Variants in ADGRL3 observed in about 807,000 individuals in gnomAD.
The protein encoded by ADGRL3 is calcium-independent alpha-latrotoxin receptor 3.
ADGRL3 carries 62 observed loss-of-function variants against 153.5 expected under a neutral mutation model. That is an observed-to-expected ratio of 0.40 (90% confidence interval 0.33 to 0.50). The LOEUF is 0.50. Among genes scored for constraint, ADGRL3 ranks in the 20% least tolerant of loss-of-function variants. The pLI, the probability that ADGRL3 is intolerant of heterozygous loss-of-function variation, is 0.47. For synonymous variants in ADGRL3, 710 were observed against 672.5 expected (o/e 1.06, Z -0.86); for missense variants, 1,641 against 1,859.4 (o/e 0.88, Z 2.16).
At chr4:61,772,693 T>C (rs774168610) in intron 8 of ADGRL3, among the ~76,000 whole-genome samples, 2 of 152,158 alleles carry the variant, frequency 1.3e-5, no homozygotes, top group Non-Finnish European at 2.9e-5. Flanking sequence ...TCTTTGGAGA[T>C]AAAGATGCCC....
chr4:61,420,980 A>G (rs1004497126), intron 2 of ADGRL3, among the ~76,000 whole-genome samples: 1 of 152,078 alleles, frequency 6.6e-6, no homozygotes, highest in Non-Finnish European at 1.5e-5. Flanking sequence ...TAACTGTCTA[A>G]CCTGGGGTAA....
At chr4:61,642,017 T>G (rs2093699582) in intron 5 of ADGRL3, among the ~76,000 whole-genome samples, 2 of 150,832 alleles carry the variant, frequency 1.3e-5, no homozygotes, top group South Asian at 4.2e-4. Flanking sequence ...TGGTTTTGAT[T>G]TGCATTTCTC....
At chr4:61,234,571 T>C (rs1227709355) in intron 1 of ADGRL3, among the ~76,000 whole-genome samples, 1 of 152,080 alleles carries the variant, frequency 6.6e-6, no homozygotes, top group Non-Finnish European at 1.5e-5. Context: ...GAGAAAGCTA[T>C]GGAGAACTCT....
intron 9 of ADGRL3, among the ~76,000 whole-genome samples, chr4:61,857,302 G>A (rs1280458605): frequency 6.6e-6 from 1 of 151,976 alleles, no homozygotes; most frequent in Non-Finnish European, 1.5e-5. Flanking sequence ...GGAAAGCCTA[G>A]AAATACAGGC....
At chr4:61,287,879 T>C (rs2094003552) in intron 1 of ADGRL3, among the ~76,000 whole-genome samples, 1 of 151,804 alleles carries the variant, frequency 6.6e-6, no homozygotes, top group Admixed American at 6.6e-5. Flanking sequence ...GGGCAGAAAA[T>C]AACAAATATT....
At chr4:61,892,142 T>G (rs1272854041) in intron 9 of ADGRL3, among the ~76,000 whole-genome samples, 3 of 151,688 alleles carry the variant, frequency 2.0e-5, no homozygotes, top group African/African-American at 4.8e-5. Flanking sequence ...TCAGGATTGC[T>G]CTTTATTTTT....
intron 2 of ADGRL3, among the ~76,000 whole-genome samples, chr4:61,445,506 G>T (rs17090460): frequency 0.015 from 2,350 of 152,308 alleles, 63 homozygotes; most frequent in African/African-American, 0.054. Context: ...AGTGTCATAG[G>T]CCTTGAGAGA....
chr4:61,577,814 T>TA (rs1579637234), intron 4 of ADGRL3, among the ~76,000 whole-genome samples: 5 of 138,648 alleles, frequency 3.6e-5, no homozygotes, highest in South Asian at 4.4e-4. Flanking sequence ...GCTTGTCTCT[T>TA]AAAAAAAAAG....
At chr4:62,008,895 G>T (rs992796159) in intron 21 of ADGRL3, among the ~76,000 whole-genome samples, 3 of 151,932 alleles carry the variant, frequency 2.0e-5, no homozygotes, top group African/African-American at 7.3e-5. Context: ...TTTGTTTCCT[G>T]TACCTTTCTT....
intron 1 of ADGRL3, among the ~76,000 whole-genome samples, chr4:61,351,626 C>T (rs1270759877): frequency 6.6e-6 from 1 of 151,972 alleles, no homozygotes; most frequent in Non-Finnish European, 1.5e-5. Flanking sequence ...ATTTTAGGGC[C>T]CTTAGGAATT....
intron 11 of ADGRL3, among the ~76,000 whole-genome samples, chr4:61,908,318 C>T (rs1462926520): frequency 2.0e-5 from 3 of 152,044 alleles, no homozygotes; most frequent in East Asian, 3.9e-4. Flanking sequence ...AGAAAAAGGC[C>T]GGGCGTAGTG....
At chr4:61,366,473 G>A (rs151050028) in intron 1 of ADGRL3, among the ~76,000 whole-genome samples, 51 of 152,226 alleles carry the variant, frequency 3.4e-4, no homozygotes, top group East Asian at 9.7e-4. Flanking sequence ...AAATATAGCC[G>A]TAATAAATAG....
At chr4:61,658,837 GC>G (rs1479329867) in intron 5 of ADGRL3, among the ~76,000 whole-genome samples, 1 of 152,094 alleles carries the variant, frequency 6.6e-6, no homozygotes, top group Non-Finnish European at 1.5e-5. Context: ...TGCCCTGAAA[GC>G]CCTTACTCTT....
intron 1 of ADGRL3, among the ~76,000 whole-genome samples, chr4:61,239,840 A>G (rs1467743703): frequency 6.6e-6 from 1 of 152,112 alleles, no homozygotes; most frequent in African/African-American, 2.4e-5. Flanking sequence ...TAGAATTAGA[A>G]AATAGTTAAG....
chr4:61,469,940 A>AC (rs1165408966), intron 2 of ADGRL3, among the ~76,000 whole-genome samples: 1 of 151,890 alleles, frequency 6.6e-6, no homozygotes. Context: ...ACAAAACAAA[A>AC]AAAAACAAAC....
chr4:61,203,915 C>CTT (rs10687667), intron 1 of ADGRL3, among the ~76,000 whole-genome samples: 83,175 of 149,728 alleles, frequency 0.56, 24,773 homozygotes, highest in Middle Eastern at 0.67. Context: ...TTCACCCAAT[C>CTT]TTTTTTTTTT....
At chr4:61,975,036 A>G (rs1338937965) in intron 17 of ADGRL3, among the ~76,000 whole-genome samples, 2 of 152,192 alleles carry the variant, frequency 1.3e-5, no homozygotes, top group Admixed American at 6.5e-5. Flanking sequence ...TGTATATTAC[A>G]TATTTCTCCA....
chr4:61,767,935 A>C (rs1044847740), intron 8 of ADGRL3, among the ~76,000 whole-genome samples: 6 of 152,058 alleles, frequency 3.9e-5, no homozygotes, highest in Admixed American at 3.9e-4. Flanking sequence ...GTGGGGTTTG[A>C]GGGCCAGATT....
chr4:61,583,592 C>T (rs560438570), intron 4 of ADGRL3: 6,111 of 458,064 alleles, frequency 0.013, 205 homozygotes, highest in South Asian at 0.059. Flanking sequence ...GCACTTTTCA[C>T]TAGCTGTATG....
Sources: allele counts gnomAD v4.1 joint callset (sites outside exome capture counted in the v4.1 genomes callset), GRCh38; gene constraint gnomAD v4.1.1; transcripts MANE v1.5; gene names NCBI Gene and HGNC (gene_info 2026-07-23, HGNC 2026-07-21).